The following MINDY4B variants were observed in gnomAD, a reference collection of about 807,000 sequenced individuals.
MINDY4B encodes inactive ubiquitin carboxyl-terminal hydrolase MINDY-4B.
MINDY4B carries 25 observed loss-of-function variants against 16.7 expected under a neutral mutation model. That is an observed-to-expected ratio of 1.49 (90% CI 1.09 to 2.09). The LOEUF (loss-of-function observed/expected upper bound fraction) is 2.09, where lower values mean the gene tolerates loss of function less well. MINDY4B is among the 30% of genes most tolerant of loss of function. MINDY4B has a pLI of 0.00. For synonymous variants in MINDY4B, 132 were observed against 61.9 expected (o/e 2.13, Z -5.32); for missense variants, 327 against 168.4 (o/e 1.94, Z -5.21).
chr3:150,892,656 G>A (rs1255973457), intron 5 of MINDY4B, among the ~76,000 whole-genome samples: 1 of 151,952 alleles, frequency 6.6e-6, no homozygotes, highest in African/African-American at 2.4e-5. Context: ...GGTTAAATAG[G>A]AGGATTGGCC....
chr3:150,896,106 T>C (rs111269940), intron 3 of MINDY4B, among the ~76,000 whole-genome samples: 7,152 of 152,230 alleles, frequency 0.047, 540 homozygotes, highest in African/African-American at 0.16. Flanking sequence ...TTGGGTTAAT[T>C]TGAAGACCTT....
At chr3:150,880,242 T>G (rs1016268654) in intron 10 of MINDY4B, among the ~76,000 whole-genome samples, 2 of 152,220 alleles carry the variant, frequency 1.3e-5, no homozygotes, top group African/African-American at 4.8e-5. Context: ...CCTGCCGATT[T>G]CCAGGCCAGG....
rs1365895498 is a variant in MINDY4B, at chr3:150,891,046, G to A, written c.579C>T (p.Gly193=). The A allele has an allele frequency of 1.0e-5, 7 of 702,724 alleles. No homozygotes were observed. Among genetic ancestry groups the A allele is most frequent in the Non-Finnish European group, 1.8e-5 (7 of 384,842 alleles). 43.5% of individuals were successfully genotyped at this position (702,724 alleles called of 1,614,324 possible). A position where few individuals can be genotyped will look rare whatever the true frequency, so the allele number is the denominator to read the frequency against. Residue 193 remains glycine (G), a synonymous_variant, in exon 6 of 12, where the codon GGC becomes GGT. Coordinates refer to ENST00000465419, the MANE Select transcript of MINDY4B (RefSeq NM_001351281.2). ...QEQALAAALA[G]ILWAAGAAQK... ...GAGCTGCTCCTGCAGCCCACAGGAT[G>A]CCAGCAAGCGCCGCGGCCAAGGCTT...
intron 10 of MINDY4B, among the ~76,000 whole-genome samples, chr3:150,874,847 T>A (rs1261785671): frequency 1.3e-5 from 2 of 152,240 alleles, no homozygotes; most frequent in Non-Finnish European, 2.9e-5. Context: ...ATTCTTCAGC[T>A]GTGGGTGAGT....
intron 10 of MINDY4B, among the ~76,000 whole-genome samples, chr3:150,881,112 G>GTGGC (rs1271939963): frequency 6.6e-6 from 1 of 152,232 alleles, no homozygotes; most frequent in Non-Finnish European, 1.5e-5. Flanking sequence ...AGGCCAGGCA[G>GTGGC]TGGCTCACGC....
intron 10 of MINDY4B, among the ~76,000 whole-genome samples, chr3:150,875,534 G>A (rs1711496120): frequency 6.6e-6 from 1 of 152,086 alleles, no homozygotes; most frequent in Non-Finnish European, 1.5e-5. Flanking sequence ...AATTCACTTG[G>A]CACTCAGATA....
chr3:150,899,386 C>T (rs753760885), intron 3 of MINDY4B, among the ~76,000 whole-genome samples: 7 of 152,122 alleles, frequency 4.6e-5, no homozygotes, highest in Admixed American at 6.5e-5. Flanking sequence ...GATGTGGGCT[C>T]GGTGTGGGGA....
chr3:150,898,856 C>CTT (rs1391370271), intron 3 of MINDY4B, among the ~76,000 whole-genome samples: 1 of 152,166 alleles, frequency 6.6e-6, no homozygotes, highest in African/African-American at 2.4e-5. Flanking sequence ...GGTTAATGTT[C>CTT]TTACCCTGAC....
chr3:150,881,127 A>G (rs1711518292), intron 10 of MINDY4B, among the ~76,000 whole-genome samples: 1 of 152,216 alleles, frequency 6.6e-6, no homozygotes, highest in South Asian at 2.1e-4. Context: ...TCACGCCTGT[A>G]ATCCCAGCAC....
chr3:150,874,759 C>T (rs1717053002), intron 10 of MINDY4B, among the ~76,000 whole-genome samples: 1 of 152,170 alleles, frequency 6.6e-6, no homozygotes, highest in Non-Finnish European at 1.5e-5. Context: ...TTTATCAACC[C>T]AAGTATTAAA....
intron 3 of MINDY4B, among the ~76,000 whole-genome samples, chr3:150,894,911 A>G (rs1347033700): frequency 6.6e-6 from 1 of 152,254 alleles, no homozygotes; most frequent in East Asian, 1.9e-4. Flanking sequence ...AACACCCCAC[A>G]GCTATGTACA....
At chr3:150,885,629 A>G (rs1711602740) in intron 7 of MINDY4B, among the ~76,000 whole-genome samples, 191 bp from the exon 8 acceptor site, 1 of 152,146 alleles carries the variant, frequency 6.6e-6, no homozygotes, top group Non-Finnish European at 1.5e-5. Context: ...CATGCCTGTC[A>G]ATGGTGCTGT....
At chr3:150,896,221 T>A (rs1711955678) in intron 3 of MINDY4B, among the ~76,000 whole-genome samples, 1 of 152,160 alleles carries the variant, frequency 6.6e-6, no homozygotes, top group South Asian at 2.1e-4. Flanking sequence ...TCTTGAAGTT[T>A]TGATTGTTTT....
intron 10 of MINDY4B, among the ~76,000 whole-genome samples, chr3:150,882,376 A>G (rs13062667): frequency 0.017 from 2,647 of 152,136 alleles, 34 homozygotes; most frequent in African/African-American, 0.029. Context: ...AGGAGTTTCA[A>G]ACGTAGGGGC....
intron 8 of MINDY4B, among the ~76,000 whole-genome samples, 171 bp downstream of exon 8, chr3:150,885,197 A>G (rs1212218530): frequency 2.0e-5 from 3 of 152,224 alleles, no homozygotes; most frequent in Admixed American, 2.0e-4. Flanking sequence ...CCACTTGCCC[A>G]TTAAGATGGC....
intron 3 of MINDY4B, among the ~76,000 whole-genome samples, chr3:150,901,662 C>T (rs564714986): frequency 3.3e-5 from 5 of 151,948 alleles, no homozygotes; most frequent in Admixed American, 6.6e-5. Context: ...GCTGGGACTA[C>T]AGGATGTGCC....
intron 10 of MINDY4B, among the ~76,000 whole-genome samples, chr3:150,882,580 A>G (rs1197405330): frequency 1.4e-5 from 2 of 144,822 alleles, no homozygotes; most frequent in Admixed American, 1.3e-4. Context: ...ATATATATAT[A>G]TATATATATA....
At position 150,883,018 on chromosome 3, in the gene MINDY4B, T is replaced by C. The variant is rs1358527828; in HGVS notation, c.938A>G (p.Asn313Ser). ...TCCTTCCTCACAGCCATTGAAGACA[T>C]TGGGACTTGCTCTTCCAGTTAAAAT... is the stretch of plus-strand genomic sequence containing the variant. ...NMILTGRASP[N>S]VFNGCEEGKS... The change falls in exon 10 of 12, where the codon AAT (asparagine) becomes AGT (serine). Residue 313 changes from asparagine to serine, a missense_variant. Coordinates refer to ENST00000465419, the MANE Select transcript of MINDY4B (RefSeq NM_001351281.2). 3 of 702,436 alleles carry C rather than the reference T, an allele frequency of 4.3e-6. No homozygotes were observed. Among genetic ancestry groups the C allele is most frequent in the Admixed American group, 2.0e-5 (1 of 49,972 alleles). 43.5% of individuals were successfully genotyped at this position (702,436 alleles called of 1,614,324 possible).
intron 3 of MINDY4B, among the ~76,000 whole-genome samples, chr3:150,897,573 T>G (rs996503979): frequency 6.6e-6 from 1 of 152,120 alleles, no homozygotes; most frequent in African/African-American, 2.4e-5. Context: ...CTCTACTGGT[T>G]TCTAAAAAGG....
Sources: allele counts gnomAD v4.1 joint callset (sites outside exome capture counted in the v4.1 genomes callset), GRCh38; gene constraint gnomAD v4.1.1; transcripts MANE v1.5; gene names NCBI Gene and HGNC (gene_info 2026-07-23, HGNC 2026-07-21).